The following DISC1 variants were observed in gnomAD, a reference collection of about 807,000 sequenced individuals.
The protein encoded by DISC1 is DISC1 scaffold protein, also known as disrupted in schizophrenia 1 protein.
Under a neutral mutation model 84.5 loss-of-function variants are expected in DISC1, and 57 were observed. That is an observed-to-expected ratio of 0.67 (90% CI 0.55 to 0.84). DISC1 has a LOEUF of 0.84. Among genes scored for constraint, DISC1 ranks in the 40% least tolerant of loss-of-function variants. DISC1 has a pLI of 0.00. For missense variants in DISC1, 1,000 were observed against 1,057.8 expected, an observed-to-expected ratio of 0.95 and a Z score of 0.76; for synonymous variants, 411 against 415.2, an observed-to-expected ratio of 0.99 and a Z score of 0.12.
At chr1:231,821,422 A>G (rs1459626003) in intron 9 of DISC1, among the ~76,000 whole-genome samples, 1 of 152,224 alleles carries the variant, frequency 6.6e-6, no homozygotes, top group Non-Finnish European at 1.5e-5. Flanking sequence ...GACAGACCTC[A>G]TCACCGAATC....
intron 6 of DISC1, among the ~76,000 whole-genome samples, chr1:231,775,930 G>A (rs1245928572): frequency 2.0e-5 from 3 of 152,090 alleles, no homozygotes; most frequent in South Asian, 2.1e-4. Context: ...TGGGGGTGGG[G>A]GAGGGAGGAG....
intron 10 of DISC1, among the ~76,000 whole-genome samples, chr1:231,978,837 C>T (rs765516024): frequency 1.4e-4 from 22 of 152,150 alleles, no homozygotes; most frequent in East Asian, 1.9e-4. Flanking sequence ...TAGTAGGAAA[C>T]GGTATTTAGA....
At chr1:231,942,407 T>C (rs1225785412) in intron 9 of DISC1, among the ~76,000 whole-genome samples, 1 of 152,212 alleles carries the variant, frequency 6.6e-6, no homozygotes, top group African/African-American at 2.4e-5. Flanking sequence ...CTCCCGCCTG[T>C]AATCCCAGCA....
At chr1:231,919,463 C>T (rs1431096280) in intron 9 of DISC1, among the ~76,000 whole-genome samples, 1 of 152,200 alleles carries the variant, frequency 6.6e-6, no homozygotes, top group Non-Finnish European at 1.5e-5. Context: ...CTCCCAGGCA[C>T]GCTGGCTTTC....
intron 9 of DISC1, among the ~76,000 whole-genome samples, chr1:231,891,770 G>A (rs9660395): frequency 0.011 from 1,714 of 152,184 alleles, 25 homozygotes; most frequent in African/African-American, 0.039. Context: ...TTTAAAAAAC[G>A]ATATTATACC....
chr1:232,026,736 G>A (rs1448012180), intron 12 of DISC1, among the ~76,000 whole-genome samples, 184 bp downstream of exon 12: 1 of 149,982 alleles, frequency 6.7e-6, no homozygotes, highest in African/African-American at 2.4e-5. Flanking sequence ...TTTTCAGTAA[G>A]CAATTCAGTA....
At chr1:231,880,756 TG>T (rs3084383) in intron 9 of DISC1, among the ~76,000 whole-genome samples, 1,585 of 150,718 alleles carry the variant, frequency 0.011, 26 homozygotes, top group African/African-American at 0.032. Flanking sequence ...CAAGGCAAGG[TG>T]GGGGGGGGGT....
intron 9 of DISC1, among the ~76,000 whole-genome samples, chr1:231,856,033 G>A (rs140884127): frequency 1.4e-4 from 22 of 152,282 alleles, no homozygotes; most frequent in African/African-American, 3.4e-4. Flanking sequence ...TTGGCTTGAC[G>A]TGCATATGCC....
At chr1:231,727,615 TA>T (rs2070914084) in intron 3 of DISC1, among the ~76,000 whole-genome samples, 1 of 152,162 alleles carries the variant, frequency 6.6e-6, no homozygotes, top group Non-Finnish European at 1.5e-5. Context: ...AAGAAGCAAT[TA>T]AACCCATGAC....
At chr1:231,840,267 C>T (rs1328235999) in intron 9 of DISC1, among the ~76,000 whole-genome samples, 2 of 152,190 alleles carry the variant, frequency 1.3e-5, no homozygotes, top group South Asian at 4.1e-4. Context: ...TTAAACATTA[C>T]ACTTGCCATG....
rs2125661156 is a variant in DISC1 at position 231,694,552 on chromosome 1, C to A, written c.794C>A (p.Pro265His). The A allele has an allele frequency of 6.2e-7, 1 of 1,614,182 alleles. No individual in the cohort carries two copies. Among genetic ancestry groups the A allele is most frequent in the East Asian group, 2.2e-5 (1 of 44,890 alleles). Residue 265 changes from proline (P) to histidine (H), a missense_variant, in exon 2 of 13, where the codon CCC (proline) becomes CAC (histidine). Coordinates refer to ENST00000439617, the MANE Select transcript of DISC1 (RefSeq NM_018662.3). Reference sequence around the variant, plus strand: ...GAGGACCCGCGATGTCTCTCTCGGCCCTTCAGTCTCTTGGCTACACGGGTC... The same window carrying A: ...GAGGACCCGCGATGTCTCTCTCGGCACTTCAGTCTCTTGGCTACACGGGTC... ...PHEDPRCLSRPFSLLATRVSA... is the reference protein window; with the variant it reads ...PHEDPRCLSRHFSLLATRVSA...
intron 11 of DISC1, among the ~76,000 whole-genome samples, chr1:232,025,697 C>CG (rs1558848075): frequency 1.3e-5 from 2 of 151,312 alleles, no homozygotes. Context: ...CCTGGGTTCA[C>CG]GCCATTCTCC....
At position 231,694,066 on chromosome 1, in the gene DISC1, C is replaced by T. The variant is rs1390875514; in HGVS notation, c.308C>T (p.Ala103Val). The T allele has an allele frequency of 6.2e-7, 1 of 1,614,174 alleles. No individual in the cohort carries two copies. The highest frequency in any genetic ancestry group is 8.5e-7 in the Non-Finnish European group (1 of 1,180,022). ...GTCCGGAGCCCTGTTTCCAAGAGTGCAGCAGCCCCTACTGTGACCTCTGTG... is the reference window on the plus strand; with the variant it reads ...GTCCGGAGCCCTGTTTCCAAGAGTGTAGCAGCCCCTACTGTGACCTCTGTG... Reference protein sequence around the residue: ...LLVRSPVSKSAAAPTVTSVRG... With the variant: ...LLVRSPVSKSVAAPTVTSVRG... The change falls in exon 2 of 13, where the codon GCA (alanine) becomes GTA (valine). Residue 103 changes from alanine to valine, a missense_variant. Ala to Val is a moderately conservative substitution (Grantham distance 64). Around this residue, in one of 3 missense-constraint regions of DISC1, gnomAD observed 292 missense variants for 280.2 expected, o/e 1.04. Coordinates refer to ENST00000439617, the MANE Select transcript of DISC1 (RefSeq NM_018662.3).
intron 6 of DISC1, among the ~76,000 whole-genome samples, chr1:231,792,621 G>A (rs2078435139): frequency 6.6e-6 from 1 of 152,186 alleles, no homozygotes; most frequent in Admixed American, 6.6e-5. Flanking sequence ...GCCCAAGGAA[G>A]GTTTTCAGTT....
At chr1:231,805,753 C>T (rs1056238595) in intron 8 of DISC1, among the ~76,000 whole-genome samples, 1 of 152,170 alleles carries the variant, frequency 6.6e-6, no homozygotes, top group Non-Finnish European at 1.5e-5. Context: ...CTGAGGATTA[C>T]ATTGCAACAT....
intron 9 of DISC1, among the ~76,000 whole-genome samples, chr1:231,927,509 C>A (rs2126096035): frequency 6.6e-6 from 1 of 152,288 alleles, no homozygotes; most frequent in South Asian, 2.1e-4. Flanking sequence ...TCTCCTGTGT[C>A]ATGTAGTTCT....
At chr1:231,687,785 A>G (rs1345479000) in intron 1 of DISC1, among the ~76,000 whole-genome samples, 1 of 152,128 alleles carries the variant, frequency 6.6e-6, no homozygotes, top group East Asian at 1.9e-4. Flanking sequence ...GGCAGGGGGA[A>G]ATGGGGAGTT....
rs1666251333 is a variant in DISC1, at chr1:231,998,496, A to G, written c.2043-10289A>G. Among the ~76,000 whole-genome samples, 3 of 152,138 alleles carry G rather than the reference A, an allele frequency of 2.0e-5. No homozygotes were observed. In the South Asian group the frequency reaches 6.3e-4, roughly 32 times the overall value. On this transcript the variant is annotated intron_variant, in intron 10 of 12. Transcript: ENST00000439617. ...TATGTAAAACAATGATAGAGAGAACATTCTAAGAGCAGGTCAATTATTAAA... is the reference window on the plus strand; with the variant it reads ...TATGTAAAACAATGATAGAGAGAACGTTCTAAGAGCAGGTCAATTATTAAA...
intron 3 of DISC1, among the ~76,000 whole-genome samples, chr1:231,733,527 T>G (rs1163570857): frequency 2.2e-5 from 3 of 136,246 alleles, no homozygotes; most frequent in Non-Finnish European, 3.2e-5. Flanking sequence ...TGGTGGTAGT[T>G]GTAGTGGTGA....
Sources: allele counts gnomAD v4.1 joint callset (sites outside exome capture counted in the v4.1 genomes callset), GRCh38; gene constraint gnomAD v4.1.1; regional missense constraint gnomAD v4.1.1; transcripts MANE v1.5; gene names NCBI Gene and HGNC (gene_info 2026-07-23, HGNC 2026-07-21).